Variants in CNTN5 observed in about 807,000 individuals in gnomAD.
CNTN5 encodes the protein contactin-5.
Under a neutral mutation model 129.1 loss-of-function variants are expected in CNTN5, and 77 were observed. That is an observed-to-expected ratio of 0.60 (90% confidence interval 0.50 to 0.72). CNTN5 has a LOEUF of 0.72. CNTN5 is among the 30% of genes least tolerant of loss of function. The pLI is 0.00. For missense variants in CNTN5, 1,478 were observed against 1,328.8 expected (o/e 1.11, Z -1.75); for synonymous variants, 509 against 465.6 (o/e 1.09, Z -1.20).
intron 2 of CNTN5, among the ~76,000 whole-genome samples, chr11:99,416,704 A>G (rs572960712): frequency 6.6e-6 from 1 of 152,284 alleles, no homozygotes; most frequent in South Asian, 2.1e-4. Flanking sequence ...ATTGCAAGGT[A>G]GCAACGGGCA....
At chr11:99,837,570 A>T (rs1015817870) in intron 4 of CNTN5, among the ~76,000 whole-genome samples, 4 of 152,016 alleles carry the variant, frequency 2.6e-5, no homozygotes, top group African/African-American at 9.7e-5. Context: ...TCAGTCTAGA[A>T]CTAAGTCACA....
intron 3 of CNTN5, among the ~76,000 whole-genome samples, chr11:99,734,986 G>A (rs1943655610): frequency 6.6e-6 from 1 of 150,762 alleles, no homozygotes; most frequent in Non-Finnish European, 1.5e-5. Flanking sequence ...CCGCCCTGGG[G>A]GAAAGAGCGA....
At chr11:99,172,876 T>C (rs547725026) in intron 1 of CNTN5, among the ~76,000 whole-genome samples, 1 of 152,194 alleles carries the variant, frequency 6.6e-6, no homozygotes, top group South Asian at 2.1e-4. Context: ...GATTTAAGTA[T>C]AATTCTTGTA....
At chr11:99,516,039 A>G (rs1286467301) in intron 2 of CNTN5, among the ~76,000 whole-genome samples, 2 of 151,912 alleles carry the variant, frequency 1.3e-5, no homozygotes, top group Admixed American at 6.6e-5. Flanking sequence ...ACCCTACACT[A>G]AAACAGTGGT....
chr11:99,441,061 C>A (rs185359838), intron 2 of CNTN5, among the ~76,000 whole-genome samples: 1 of 152,234 alleles, frequency 6.6e-6, no homozygotes, highest in African/African-American at 2.4e-5. Context: ...CTCAAGGAGT[C>A]CTGCCACTCC....
intron 17 of CNTN5, among the ~76,000 whole-genome samples, chr11:100,264,463 T>C (rs1591451134): frequency 6.6e-6 from 1 of 152,186 alleles, no homozygotes; most frequent in Admixed American, 6.5e-5. Flanking sequence ...TTCCCACTTA[T>C]CAGGGAGAAC....
chr11:99,753,689 T>TG (rs1944313709), intron 3 of CNTN5, among the ~76,000 whole-genome samples: 1 of 108,136 alleles, frequency 9.2e-6, no homozygotes, highest in Non-Finnish European at 1.9e-5. Flanking sequence ...AGAAATCACT[T>TG]CCTTTTTTTT....
rs5794011 is a variant in CNTN5 at position 99,646,809 on chromosome 11, T to TA, written c.55+90558dup. Reference sequence around the variant, plus strand: ...GAAGCACTTCATCAATGTCAATTCTTAAAAAAAAAAAAAAAAAAGGAAAAA... The same window carrying TA: ...GAAGCACTTCATCAATGTCAATTCTTAAAAAAAAAAAAAAAAAAAGGAAAAA... On this transcript the variant is annotated intron_variant, in intron 3 of 24. Transcript: ENST00000524871. 6.7e-3 allele frequency among the ~76,000 whole-genome samples: 881 copies of TA among 131,776 alleles called. 7 individuals are homozygous for TA. The highest frequency in any genetic ancestry group is 0.019 in the African/African-American group (694 of 35,676). 86.5% of individuals were successfully genotyped at this position (131,776 alleles called of 152,430 possible).
intron 20 of CNTN5, among the ~76,000 whole-genome samples, chr11:100,302,667 G>C (rs1398225701): frequency 6.6e-6 from 1 of 151,480 alleles, no homozygotes; most frequent in Non-Finnish European, 1.5e-5. Flanking sequence ...TATTGGGAGG[G>C]AAGCAGAGAA....
intron 16 of CNTN5, among the ~76,000 whole-genome samples, chr11:100,244,057 C>G (rs918947761): frequency 2.6e-5 from 4 of 151,954 alleles, no homozygotes; most frequent in Non-Finnish European, 4.4e-5. Context: ...CAGTCCACCT[C>G]CAGTTCAAAA....
At chr11:99,517,556 C>T (rs1353174738) in intron 2 of CNTN5, among the ~76,000 whole-genome samples, 1 of 152,102 alleles carries the variant, frequency 6.6e-6, no homozygotes. Context: ...TCAGCCATCC[C>T]AAGATAATTG....
At chr11:99,716,559 T>C (rs1198716896) in intron 3 of CNTN5, among the ~76,000 whole-genome samples, 1 of 152,012 alleles carries the variant, frequency 6.6e-6, no homozygotes, top group African/African-American at 2.4e-5. Context: ...ACATCCTGCC[T>C]AGTCTCATCA....
intron 3 of CNTN5, among the ~76,000 whole-genome samples, chr11:99,772,185 A>G (rs1944970268): frequency 6.6e-6 from 1 of 151,738 alleles, no homozygotes; most frequent in South Asian, 2.1e-4. Context: ...CCATGTGCTA[A>G]GACACTGTTT....
chr11:99,114,459 T>C (rs1429391836), intron 1 of CNTN5, among the ~76,000 whole-genome samples: 1 of 143,862 alleles, frequency 7.0e-6, no homozygotes, highest in Admixed American at 7.0e-5. Context: ...CCCCTTCTTC[T>C]TTCCTTCCTC....
chr11:99,781,427 G>C (rs535089544), intron 3 of CNTN5, among the ~76,000 whole-genome samples: 4 of 152,070 alleles, frequency 2.6e-5, no homozygotes, highest in Non-Finnish European at 4.4e-5. Flanking sequence ...TTAAGAATGA[G>C]AAGTGGCCAA....
Position 100,071,810 on chromosome 11 carries a change from G to T in CNTN5, c.1405G>T (p.Ala469Ser), listed in dbSNP as rs200155210. 1.7e-5 allele frequency: 28 copies of T among 1,604,572 alleles called. No individual in the cohort carries two copies. The highest frequency in any genetic ancestry group is 2.2e-5 in the East Asian group (1 of 44,526). Residue 469 changes from alanine to serine, a missense_variant, in exon 12 of 25, where the codon GCT (alanine) becomes TCT (serine). Physicochemically the swap from Ala to Ser is moderately conservative, Grantham distance 99. Transcript: ENST00000524871. ...LAENKYGAIY[A>S]SAELKILASA... ...TGAAAATAAGTATGGAGCCATTTAC[G>T]CTAGTGCTGAGCTGAAGATTCTAGG...
intron 9 of CNTN5, among the ~76,000 whole-genome samples, chr11:100,058,425 C>A (rs1943327678): frequency 6.6e-6 from 1 of 152,078 alleles, no homozygotes; most frequent in Non-Finnish European, 1.5e-5. Context: ...ATAAACAAAC[C>A]ATGAACTCAC....
chr11:99,478,690 T>C (rs1233925293), intron 2 of CNTN5, among the ~76,000 whole-genome samples: 2 of 152,082 alleles, frequency 1.3e-5, no homozygotes, highest in Non-Finnish European at 2.9e-5. Context: ...ACATGTAAAA[T>C]GCATGGTGAA....
chr11:99,133,890 A>C (rs1859084975), intron 1 of CNTN5, among the ~76,000 whole-genome samples: 1 of 152,230 alleles, frequency 6.6e-6, no homozygotes, highest in Non-Finnish European at 1.5e-5. Context: ...CATTTGACCC[A>C]GCAATCCCAT....
Sources: gnomAD v4.1 joint callset for allele counts (sites outside exome capture counted in the v4.1 genomes callset) on GRCh38, gnomAD v4.1.1 for gene constraint, MANE v1.5 for transcripts, NCBI Gene and HGNC (gene_info 2026-07-23, HGNC 2026-07-21) for gene names.